Variants in ADGRG7 observed in about 807,000 individuals in gnomAD.
ADGRG7 encodes the protein G-protein coupled receptor 128.
In ADGRG7, 82 loss-of-function variants were observed where a neutral mutation model predicts 88.6. The observed-to-expected ratio is 0.93, with a 90% CI of 0.77 to 1.11. ADGRG7 has a LOEUF of 1.11. Ranked by LOEUF, ADGRG7 falls within the 50% of genes most tolerant of loss-of-function variation. The pLI, the probability that ADGRG7 is intolerant of heterozygous loss-of-function variation, is 0.00. For missense variants in ADGRG7, 945 were observed against 953.4 expected, an observed-to-expected ratio of 0.99 and a Z score of 0.12; for synonymous variants, 381 against 345.2, an observed-to-expected ratio of 1.10 and a Z score of -1.15.
chr3:100,637,259 A>G (rs905244340), intron 5 of ADGRG7, 43 bp from the exon 6 acceptor site: 2 of 1,231,158 alleles, frequency 1.6e-6, no homozygotes, highest in Admixed American at 3.4e-5. Context: ...ATGATAATGT[A>G]TGATATATGC....
chr3:100,691,335 G>A (rs772944941), intron 15 of ADGRG7, among the ~76,000 whole-genome samples: 1 of 152,208 alleles, frequency 6.6e-6, no homozygotes, highest in Admixed American at 6.5e-5. Context: ...GCCTCGCCCT[G>A]CTTCAGCTCA....
intron 6 of ADGRG7, among the ~76,000 whole-genome samples, chr3:100,642,414 T>C (rs1346171853): frequency 2.0e-5 from 3 of 152,252 alleles, no homozygotes; most frequent in Non-Finnish European, 4.4e-5. Flanking sequence ...TCCTCAATTA[T>C]TGTAAACTTT....
chr3:100,658,023 A>C (rs1418646364), intron 13 of ADGRG7, among the ~76,000 whole-genome samples: 1 of 152,208 alleles, frequency 6.6e-6, no homozygotes, highest in East Asian at 1.9e-4. Context: ...TTCTCACATC[A>C]TTGTAATACC....
chr3:100,637,784 T>C (rs1707570147), intron 6 of ADGRG7, among the ~76,000 whole-genome samples: 1 of 152,224 alleles, frequency 6.6e-6, no homozygotes, highest in Admixed American at 6.5e-5. Flanking sequence ...CATACTGCCA[T>C]CCCCCAAGCT....
At chr3:100,656,427 C>T (rs1388391413) in intron 13 of ADGRG7, among the ~76,000 whole-genome samples, 2 of 152,140 alleles carry the variant, frequency 1.3e-5, no homozygotes, top group Non-Finnish European at 2.9e-5. Flanking sequence ...ATGTCTCACT[C>T]ATATAAACCA....
intron 13 of ADGRG7, among the ~76,000 whole-genome samples, chr3:100,659,042 A>T (rs1471220858): frequency 6.6e-6 from 1 of 152,198 alleles, no homozygotes; most frequent in East Asian, 1.9e-4. Flanking sequence ...ACCAAAAAAC[A>T]AAACAAAACA....
intron 15 of ADGRG7, among the ~76,000 whole-genome samples, chr3:100,671,952 A>G (rs2149036164): frequency 6.6e-6 from 1 of 152,296 alleles, no homozygotes; most frequent in East Asian, 1.9e-4. Flanking sequence ...TGTTTTGGTT[A>G]CTGTAGCCTT....
At chr3:100,615,526 A>C (rs1707213334) in intron 1 of ADGRG7, among the ~76,000 whole-genome samples, 1 of 152,186 alleles carries the variant, frequency 6.6e-6, no homozygotes, top group Admixed American at 6.6e-5. Flanking sequence ...TGTGTTGGGT[A>C]CCTTCTATTC....
At chr3:100,632,055 T>A (rs1452412122) in intron 3 of ADGRG7, among the ~76,000 whole-genome samples, 1 of 152,138 alleles carries the variant, frequency 6.6e-6, no homozygotes, top group Non-Finnish European at 1.5e-5. Context: ...TATTGGTAAC[T>A]ATTGTCTTGA....
intron 1 of ADGRG7, among the ~76,000 whole-genome samples, chr3:100,616,878 G>A (rs1036073296): frequency 1.3e-5 from 2 of 151,886 alleles, no homozygotes; most frequent in African/African-American, 2.4e-5. Flanking sequence ...GAGAAAACTA[G>A]GGAATGGAAA....
chr3:100,642,960 T>A (rs769585265), intron 6 of ADGRG7, among the ~76,000 whole-genome samples: 2 of 152,256 alleles, frequency 1.3e-5, no homozygotes, highest in Non-Finnish European at 2.9e-5. Flanking sequence ...ACCATCCTTC[T>A]ATGTGAAGAG....
intron 15 of ADGRG7, 112 bp downstream of exon 15, chr3:100,669,217 T>G: frequency 2.5e-6 from 2 of 789,200 alleles, no homozygotes; most frequent in Non-Finnish European, 3.6e-6. Flanking sequence ...CCAGGCGCGG[T>G]GGCTCACGCC....
rs553036417 is a variant in ADGRG7, at chr3:100,686,969, G to A, written c.2137-7775G>A. 1.1e-3 allele frequency among the ~76,000 whole-genome samples: 163 copies of A among 152,266 alleles called. 1 individual carries two copies. The highest frequency in any genetic ancestry group is 3.8e-3 in the African/African-American group (158 of 41,536). On this transcript the variant is annotated intron_variant, in intron 15 of 15. Coordinates refer to ENST00000273352, the MANE Select transcript of ADGRG7 (RefSeq NM_032787.3). ...GCATTGAATCTATAAATTACCTTGGGCAGTATGGCCATTTTCATGATATTG... is the reference window on the plus strand; with the variant it reads ...GCATTGAATCTATAAATTACCTTGGACAGTATGGCCATTTTCATGATATTG...
rs748575598 is a variant in ADGRG7 at position 100,646,664 on chromosome 3, G to A, written c.1206G>A (p.Lys402=). ...DWDTYGCQKD[K]GTDGFLRCRC... ...ACACATATGGCTGTCAAAAAGACAA[G>A]GGCACTGATGGATTCCTGCGCTGCC... Residue 402 remains lysine (K), a synonymous_variant, in exon 10 of 16, where the codon AAG becomes AAA. Transcript: ENST00000273352. 7.4e-6 allele frequency: 12 copies of A among 1,614,058 alleles called. No individual in the cohort carries two copies. Among genetic ancestry groups the A allele is most frequent in the Non-Finnish European group, 1.0e-5 (12 of 1,180,020 alleles).
chr3:100,659,439 C>CAAAAAAAAAAAAAAAA lies in ADGRG7; in HGVS notation c.1824-239_1824-224dup. Among the ~76,000 whole-genome samples, 2 of 80,906 alleles carry CAAAAAAAAAAAAAAAA rather than the reference C, an allele frequency of 2.5e-5. 1 individual carries two copies. Among genetic ancestry groups the CAAAAAAAAAAAAAAAA allele is most frequent in the Non-Finnish European group, 4.0e-5 (2 of 49,570 alleles). 53.1% of individuals were successfully genotyped at this position (80,906 alleles called of 152,430 possible). A position where few individuals can be genotyped will look rare whatever the true frequency, so the allele number is the denominator to read the frequency against. ...TGGGCGACAGAGCAAGACTCAGTCT[C>CAAAAAAAAAAAAAAAA]AAAAAAAAAAAAAAAAAAAAAAAAA... On this transcript the variant is annotated intron_variant, in intron 13 of 15. Transcript: ENST00000273352.
At chr3:100,685,499 A>G (rs1161488421) in intron 15 of ADGRG7, among the ~76,000 whole-genome samples, 6 of 152,050 alleles carry the variant, frequency 3.9e-5, no homozygotes, top group Non-Finnish European at 8.8e-5. Context: ...AGCATTAGGT[A>G]TATCTCCTAA....
chr3:100,631,393 TTTGGTGATTCATTTCAGTGCCACA>T (rs1707458004), intron 3 of ADGRG7, among the ~76,000 whole-genome samples: 1 of 152,148 alleles, frequency 6.6e-6, no homozygotes, highest in Admixed American at 6.5e-5. Context: ...TATCCAAGAT[TTTGGTGATTCATTTCAGTGCCACA>T]TTGGGTAATG....
At chr3:100,645,480 T>G (rs1707728084) in intron 8 of ADGRG7, among the ~76,000 whole-genome samples, 1 of 152,250 alleles carries the variant, frequency 6.6e-6, no homozygotes, top group Non-Finnish European at 1.5e-5. Flanking sequence ...ACTTGTCCCC[T>G]TTGAACAGGA....
intron 15 of ADGRG7, among the ~76,000 whole-genome samples, chr3:100,673,133 T>C (rs2094960754): frequency 1.3e-5 from 2 of 152,190 alleles, no homozygotes; most frequent in African/African-American, 4.8e-5. Context: ...TTAGAAGGAA[T>C]GGTACCAGCT....
Sources: gnomAD v4.1 joint callset for allele counts (sites outside exome capture counted in the v4.1 genomes callset) on GRCh38, gnomAD v4.1.1 for gene constraint, MANE v1.5 for transcripts, NCBI Gene and HGNC (gene_info 2026-07-23, HGNC 2026-07-21) for gene names.